The following CEP85L variants were observed in gnomAD, a reference collection of about 807,000 sequenced individuals.
The protein encoded by CEP85L is centrosomal protein 85L.
A neutral mutation model predicts 100.3 loss-of-function variants in CEP85L; 60 were observed. The ratio of observed to expected loss-of-function variants is 0.60; its 90% CI spans 0.49 to 0.74. The LOEUF (loss-of-function observed/expected upper bound fraction) is 0.74. Among genes scored for constraint, CEP85L ranks in the 30% least tolerant of loss-of-function variants. The pLI is 0.00. For synonymous variants in CEP85L, 319 were observed against 322.7 expected (o/e 0.99, Z 0.12); for missense variants, 973 against 936.2 (o/e 1.04, Z -0.51).
At chr6:118,635,344 T>G (rs1368676248) in intron 1 of CEP85L, among the ~76,000 whole-genome samples, 1 of 152,212 alleles carries the variant, frequency 6.6e-6, no homozygotes, top group Non-Finnish European at 1.5e-5. Context: ...AAGCATTTTA[T>G]GTAGCTATAT....
chr6:118,568,176 C>T (rs1274217038), intron 2 of CEP85L, among the ~76,000 whole-genome samples: 2 of 152,148 alleles, frequency 1.3e-5, no homozygotes, highest in Non-Finnish European at 2.9e-5. Flanking sequence ...CAGACGTGGC[C>T]CCGTAGTGGC....
chr6:118,575,793 T>G (rs1047483248), intron 2 of CEP85L, among the ~76,000 whole-genome samples: 1 of 152,110 alleles, frequency 6.6e-6, no homozygotes, highest in African/African-American at 2.4e-5. Context: ...TAGTGGATAG[T>G]TGCATAGTGT....
chr6:118,464,480 G>T lies in CEP85L; in HGVS notation c.*925C>A, dbSNP rs1293381376. The stretch of plus-strand genomic sequence containing the variant: ...CATACAAAACTGTTAAAATGTAAAT[G>T]TTGAGATTTGGATAAGTAAGCTATT... On this transcript the variant is annotated 3_prime_UTR_variant, in exon 13 of 13. Coordinates refer to ENST00000368491, the MANE Select transcript of CEP85L (RefSeq NM_001042475.3). 6.6e-6 allele frequency: 1 copy of T among 152,070 alleles called. No homozygotes were observed. Among genetic ancestry groups the T allele is most frequent in the African/African-American group, 2.4e-5 (1 of 41,432 alleles). The allele number at this position is 152,070 out of a possible 1,614,324, so 9.4% of individuals were successfully genotyped here.
At chr6:118,630,194 G>A (rs762849557) in intron 2 of CEP85L, among the ~76,000 whole-genome samples, 22 of 152,120 alleles carry the variant, frequency 1.4e-4, no homozygotes, top group Non-Finnish European at 2.6e-4. Flanking sequence ...CATGTGTGTG[G>A]GTCTCCTTCA....
Position 118,600,357 on chromosome 6 carries a change from GT to G in CEP85L, c.232+32095del, listed in dbSNP as rs1274133996. 2.6e-4 allele frequency among the ~76,000 whole-genome samples: 37 copies of G among 140,332 alleles called. 5 individuals are homozygous for G. Among genetic ancestry groups the G allele is most frequent in the South Asian group, 2.1e-3 (9 of 4,196 alleles). 92.1% of individuals were successfully genotyped at this position (140,332 alleles called of 152,430 possible). On this transcript the variant is annotated intron_variant, in intron 2 of 12. Coordinates refer to ENST00000368491, the MANE Select transcript of CEP85L (RefSeq NM_001042475.3). ...TGTGTGTGTGTGTGTGTGTGTGTGT[GT>G]GTGTGTGTGTGTAACGCCATGGAGC... is the stretch of plus-strand genomic sequence containing the variant.
upstream of CEP85L, among the ~76,000 whole-genome samples, chr6:118,655,974 C>T (rs987896586): frequency 6.6e-6 from 1 of 152,190 alleles, no homozygotes; most frequent in African/African-American, 2.4e-5. Context: ...AAGCCCATGC[C>T]TTTTCCGCCA....
chr6:118,476,521 A>G (rs928662867), intron 10 of CEP85L, among the ~76,000 whole-genome samples: 1 of 152,190 alleles, frequency 6.6e-6, no homozygotes, highest in African/African-American at 2.4e-5. Context: ...AAAACATTAA[A>G]GCAATTGATA....
intron 6 of CEP85L, 89 bp downstream of exon 6, chr6:118,491,597 C>T: frequency 6.6e-7 from 1 of 1,512,304 alleles, no homozygotes. Flanking sequence ...CATAACCTGG[C>T]ATGACACCTG....
intron 10 of CEP85L, among the ~76,000 whole-genome samples, chr6:118,474,871 T>C (rs1220074341): frequency 1.3e-5 from 2 of 152,208 alleles, no homozygotes; most frequent in African/African-American, 4.8e-5. Flanking sequence ...ATTGGCCCTA[T>C]AGGCTAAATC....
In CEP85L at chr6:118,706,049, G is replaced by A. The variant is rs116653426; in HGVS notation, c.-28+3987C>T. On this transcript the variant is annotated intron_variant, in intron 1 of 13. Transcript: ENST00000368488. Reference sequence around the variant, plus strand: ...GGAGCTGCTTCTTAAGAAGTATCACGGCCGTCTATGTAGGTGTGTGTCCCA... The same window carrying A: ...GGAGCTGCTTCTTAAGAAGTATCACAGCCGTCTATGTAGGTGTGTGTCCCA... Among the ~76,000 whole-genome samples the A allele has an allele frequency of 5.0e-3, 768 of 152,238 alleles. 5 individuals are homozygous for A. The highest frequency in any genetic ancestry group is 0.018 in the African/African-American group (732 of 41,530).
At chr6:118,614,429 A>C (rs1035063700) in intron 2 of CEP85L, among the ~76,000 whole-genome samples, 1 of 152,228 alleles carries the variant, frequency 6.6e-6, no homozygotes, top group Non-Finnish European at 1.5e-5. Context: ...CAGAAAGAAA[A>C]AACTCCTTAT....
rs543098756 is a variant in CEP85L at position 118,555,818 on chromosome 6, T to C, written c.1020+9711A>G. On this transcript the variant is annotated intron_variant, in intron 3 of 12. Coordinates refer to ENST00000368491, the MANE Select transcript of CEP85L (RefSeq NM_001042475.3). ...CCTCCTCCCATCCTCCCCGCTCAAG[T>C]AGACCCCAGCGTCTGTTGTTTCCTT... 2.1e-3 allele frequency among the ~76,000 whole-genome samples: 324 copies of C among 151,368 alleles called. 1 individual carries two copies. The highest frequency in any genetic ancestry group is 3.1e-3 in the Non-Finnish European group (209 of 68,004).
intron 1 of CEP85L, among the ~76,000 whole-genome samples, chr6:118,670,073 G>A (rs1254008263): frequency 6.6e-6 from 1 of 151,848 alleles, no homozygotes; most frequent in Non-Finnish European, 1.5e-5. Flanking sequence ...CCCTGCGATA[G>A]AATTACAAAG....
intron 3 of CEP85L, among the ~76,000 whole-genome samples, chr6:118,529,562 C>T (rs143211968): frequency 0.018 from 2,446 of 136,586 alleles, 66 homozygotes; most frequent in African/African-American, 0.065. Flanking sequence ...GAGCCGAGAT[C>T]GCACCACTGC....
At position 118,565,618 on chromosome 6, in the gene CEP85L, C is replaced by T; in HGVS notation, c.931G>A (p.Gly311Ser). 3 of 1,614,202 alleles carry T rather than the reference C, an allele frequency of 1.9e-6. No homozygotes were observed. In the South Asian group the frequency reaches 3.3e-5, roughly 18 times the overall value. The change falls in exon 3 of 13, where the codon GGT becomes AGT. Residue 311 changes from glycine (G) to serine (S), a missense_variant. Physicochemically the swap from Gly to Ser is moderately conservative, Grantham distance 56. Around this residue, in one of 3 missense-constraint regions of CEP85L, gnomAD observed 890 missense variants for 844.5 expected, o/e 1.05. Coordinates refer to ENST00000368491, the MANE Select transcript of CEP85L (RefSeq NM_001042475.3). ...TEQLRTNPLE[G>S]RNTEDSYSLA... The stretch of plus-strand genomic sequence containing the variant: ...CTGTAAGAATCCTCTGTATTTCTAC[C>T]TTCCAAAGGATTTGTCCGCAGCTGC...
chr6:118,644,962 T>A (rs1226253376), intron 1 of CEP85L, among the ~76,000 whole-genome samples: 1 of 152,228 alleles, frequency 6.6e-6, no homozygotes, highest in African/African-American at 2.4e-5. Context: ...GAACAGTATC[T>A]GCCTCATAGT....
intron 3 of CEP85L, among the ~76,000 whole-genome samples, chr6:118,533,912 T>C (rs1185178149): frequency 6.6e-6 from 1 of 152,046 alleles, no homozygotes; most frequent in African/African-American, 2.4e-5. Flanking sequence ...CTGGCCAACA[T>C]GGTGAAACCC....
At chr6:118,509,276 T>C (rs1283595530) in intron 5 of CEP85L, among the ~76,000 whole-genome samples, 1 of 152,094 alleles carries the variant, frequency 6.6e-6, no homozygotes, top group Non-Finnish European at 1.5e-5. Flanking sequence ...AATATGATAA[T>C]TATATAATTA....
chr6:118,693,950 T>G (rs538572128), intron 1 of CEP85L, among the ~76,000 whole-genome samples: 1 of 152,232 alleles, frequency 6.6e-6, no homozygotes, highest in East Asian at 1.9e-4. Flanking sequence ...AGTAAGTATC[T>G]AGCATTTTGG....
Sources: allele counts gnomAD v4.1 joint callset (sites outside exome capture counted in the v4.1 genomes callset), GRCh38; gene constraint gnomAD v4.1.1; regional missense constraint gnomAD v4.1.1; transcripts MANE v1.5; gene names NCBI Gene and HGNC (gene_info 2026-07-23, HGNC 2026-07-21).